Variants in PTPRT observed in about 807,000 individuals in gnomAD.
PTPRT encodes protein tyrosine phosphatase receptor type T.
Under a neutral mutation model 176.8 loss-of-function variants are expected in PTPRT, and 56 were observed. The ratio of observed to expected loss-of-function variants is 0.32; its 90% CI spans 0.26 to 0.40. PTPRT has a LOEUF of 0.40. Among genes scored for constraint, PTPRT ranks in the 10% least tolerant of loss-of-function variants. PTPRT has a pLI of 1.00. For synonymous variants in PTPRT, 783 were observed against 739.0 expected (o/e 1.06, Z -0.96); for missense variants, 1,540 against 1,908.2 (o/e 0.81, Z 3.60).
chr20:42,090,881 A>G (rs1170591831), intron 27 of PTPRT, among the ~76,000 whole-genome samples: 1 of 152,190 alleles, frequency 6.6e-6, no homozygotes, highest in Admixed American at 6.5e-5. Context: ...CCAAGAATAG[A>G]TTCAAATTCT....
At chr20:43,038,572 A>T (rs936404821) in intron 1 of PTPRT, among the ~76,000 whole-genome samples, 10 of 152,214 alleles carry the variant, frequency 6.6e-5, no homozygotes, top group African/African-American at 2.4e-4. Context: ...ATCTGCTATG[A>T]TTATTTAACT....
chr20:42,580,046 G>T (rs759247726), intron 7 of PTPRT, among the ~76,000 whole-genome samples: 5 of 152,132 alleles, frequency 3.3e-5, no homozygotes, highest in Admixed American at 2.0e-4. Flanking sequence ...GGTCTAACAT[G>T]TAAGTCTTTA....
chr20:42,210,346 G>A (rs2055590628), intron 15 of PTPRT, among the ~76,000 whole-genome samples: 1 of 151,930 alleles, frequency 6.6e-6, no homozygotes, highest in Admixed American at 6.6e-5. Context: ...TAGGAAAAGA[G>A]GAAGTCAAAT....
At chr20:42,779,383 G>A (rs1025265081) in intron 4 of PTPRT, among the ~76,000 whole-genome samples, 8 of 152,170 alleles carry the variant, frequency 5.3e-5, no homozygotes, top group African/African-American at 1.9e-4. Context: ...AGAACTGGAT[G>A]GCTGCCAAGA....
intron 2 of PTPRT, among the ~76,000 whole-genome samples, chr20:42,843,299 C>T (rs7262355): frequency 0.081 from 12,279 of 152,238 alleles, 599 homozygotes; most frequent in Admixed American, 0.15. Flanking sequence ...ACCCGGCCTT[C>T]GTATGCTGAT....
chr20:42,412,626 T>C (rs760616190), intron 9 of PTPRT, among the ~76,000 whole-genome samples: 2 of 152,226 alleles, frequency 1.3e-5, no homozygotes, highest in Non-Finnish European at 2.9e-5. Context: ...GTTTTACCTA[T>C]AGTAGACAAA....
chr20:42,218,119 C>T (rs557842633), intron 15 of PTPRT, among the ~76,000 whole-genome samples: 6 of 152,096 alleles, frequency 3.9e-5, no homozygotes, highest in Non-Finnish European at 7.4e-5. Context: ...AAATGTCTAA[C>T]AATAGGGAAC....
At chr20:42,202,659 A>T (rs1156657516) in intron 15 of PTPRT, among the ~76,000 whole-genome samples, 2 of 152,240 alleles carry the variant, frequency 1.3e-5, no homozygotes, top group Non-Finnish European at 2.9e-5. Flanking sequence ...AATATAGCAG[A>T]TTCTTTGCTT....
At chr20:42,717,267 A>C (rs942833682) in intron 6 of PTPRT, among the ~76,000 whole-genome samples, 2 of 146,380 alleles carry the variant, frequency 1.4e-5, no homozygotes, top group Non-Finnish European at 3.1e-5. Flanking sequence ...TAAAGCTATA[A>C]CAATTAAGAC....
intron 13 of PTPRT, among the ~76,000 whole-genome samples, chr20:42,280,014 C>G (rs1330326312): frequency 6.6e-6 from 1 of 152,100 alleles, no homozygotes; most frequent in African/African-American, 2.4e-5. Context: ...TGACCCATCT[C>G]TGGGACTTCA....
chr20:42,796,997 C>T (rs184722686), intron 2 of PTPRT, among the ~76,000 whole-genome samples: 3 of 152,288 alleles, frequency 2.0e-5, no homozygotes, highest in East Asian at 1.9e-4. Context: ...TTATAAAGTG[C>T]GTAGATAAGT....
chr20:43,124,692 T>C (rs2013378792), intron 1 of PTPRT, among the ~76,000 whole-genome samples: 1 of 152,246 alleles, frequency 6.6e-6, no homozygotes, highest in South Asian at 2.1e-4. Flanking sequence ...GTGCCTACTA[T>C]GTGCCAGGCA....
At chr20:43,163,184 A>G (rs1354554895) in intron 1 of PTPRT, among the ~76,000 whole-genome samples, 1 of 152,258 alleles carries the variant, frequency 6.6e-6, no homozygotes, top group African/African-American at 2.4e-5. Context: ...AGTCTCCAAA[A>G]TAAACATCTG....
intron 2 of PTPRT, among the ~76,000 whole-genome samples, chr20:42,812,554 G>A (rs6016895): frequency 0.024 from 3,595 of 152,222 alleles, 136 homozygotes; most frequent in African/African-American, 0.077. Context: ...CTGCTGGTGA[G>A]TAGGTAAAAT....
At chr20:42,098,003 G>C (rs994157103) in intron 27 of PTPRT, among the ~76,000 whole-genome samples, 1 of 152,218 alleles carries the variant, frequency 6.6e-6, no homozygotes, top group African/African-American at 2.4e-5. Context: ...CCCAGGCTCT[G>C]TCTGTACAGG....
the PTPRT span, among the ~76,000 whole-genome samples, chr20:42,062,326 C>G: frequency 6.6e-6 from 1 of 152,106 alleles, no homozygotes; most frequent in South Asian, 2.1e-4. Context: ...ATTCTAAAAT[C>G]GGAAAAGAAG....
intron 7 of PTPRT, among the ~76,000 whole-genome samples, chr20:42,594,235 C>T (rs28499156): frequency 0.05 from 7,647 of 152,186 alleles, 691 homozygotes; most frequent in African/African-American, 0.17. Flanking sequence ...TGGTTGGAGA[C>T]GCTGCCTCCA....
At chr20:42,480,030 A>G (rs2071357939) in intron 7 of PTPRT, among the ~76,000 whole-genome samples, 1 of 152,124 alleles carries the variant, frequency 6.6e-6, no homozygotes, top group African/African-American at 2.4e-5. Context: ...CACGGTTGCT[A>G]CCCTCCCATA....
the PTPRT span, among the ~76,000 whole-genome samples, chr20:42,037,799 C>T: frequency 6.6e-6 from 1 of 152,270 alleles, no homozygotes; most frequent in South Asian, 2.1e-4. Context: ...GCAAACTCTT[C>T]CCTGCTATCT....
Sources: allele counts gnomAD v4.1 joint callset (sites outside exome capture counted in the v4.1 genomes callset), GRCh38; gene constraint gnomAD v4.1.1; transcripts MANE v1.5; gene names NCBI Gene and HGNC (gene_info 2026-07-23, HGNC 2026-07-21).